AKAP13: variants seen among roughly 807,000 people sequenced by gnomAD.
The protein encoded by AKAP13 is A-kinase anchoring protein 13, also known as A-kinase anchor protein 13.
A neutral mutation model predicts 264.5 loss-of-function variants in AKAP13; 80 were observed. The ratio of observed to expected loss-of-function variants is 0.30; its 90% CI spans 0.25 to 0.36. The LOEUF (loss-of-function observed/expected upper bound fraction) is 0.36, where lower values mean the gene tolerates loss of function less well. AKAP13 is among the 10% of genes least tolerant of loss of function. The probability of loss-of-function intolerance (pLI) is 1.00; values close to 1 mark genes in which losing one functional copy is unlikely to be tolerated. For missense variants in AKAP13, 3,712 were observed against 3,435.2 expected, an observed-to-expected ratio of 1.08 and a Z score of -2.01; for synonymous variants, 1,380 against 1,250.2, an observed-to-expected ratio of 1.10 and a Z score of -2.19.
intron 1 of AKAP13, among the ~76,000 whole-genome samples, chr15:85,430,250 T>C (rs1327242999): frequency 6.6e-6 from 1 of 152,234 alleles, no homozygotes; most frequent in Admixed American, 6.5e-5. Flanking sequence ...GCTAATTACA[T>C]GTCTTAATCA....
intron 2 of AKAP13, among the ~76,000 whole-genome samples, chr15:85,514,525 G>A (rs2076542439): frequency 1.5e-5 from 2 of 137,172 alleles, no homozygotes; most frequent in South Asian, 2.2e-4. Flanking sequence ...GTCTCTGAAG[G>A]GACTCGGTTC....
At chr15:85,576,898 T>TA (rs1216639120) in intron 6 of AKAP13, among the ~76,000 whole-genome samples, 1 of 152,166 alleles carries the variant, frequency 6.6e-6, no homozygotes, top group Non-Finnish European at 1.5e-5. Flanking sequence ...GGCAGGCAAA[T>TA]ACGAGAAATT....
At chr15:85,460,939 G>A (rs2074485657) in intron 1 of AKAP13, among the ~76,000 whole-genome samples, 1 of 127,822 alleles carries the variant, frequency 7.8e-6, no homozygotes, top group South Asian at 2.2e-4. Context: ...CTACAGAATG[G>A]GGGAACAGAG....
At chr15:85,619,816 A>T in intron 8 of AKAP13, 1 of 1,232,146 alleles carries the variant, frequency 8.1e-7, no homozygotes, top group East Asian at 3.7e-5. Flanking sequence ...ATTAGGTGGT[A>T]TTTATTGTTT....
Position 85,665,591 on chromosome 15 carries a change from C to G in AKAP13, c.4992+836C>G, listed in dbSNP as rs990586389. Among the ~76,000 whole-genome samples the G allele has an allele frequency of 4.6e-5, 7 of 152,306 alleles. No individual in the cohort carries two copies. In the East Asian group the frequency reaches 1.2e-3, roughly 25 times the overall value. Reference sequence around the variant, plus strand: ...ATGTGCACAACGTGCAGGTTTGTTACATAGGTATACATGTGCCGTGTTGGT... The same window carrying G: ...ATGTGCACAACGTGCAGGTTTGTTAGATAGGTATACATGTGCCGTGTTGGT... On this transcript the variant is annotated intron_variant, in intron 13 of 36. Transcript: ENST00000394518.
At chr15:85,381,251 C>T (rs1204153415) in intron 1 of AKAP13, among the ~76,000 whole-genome samples, 2 of 152,080 alleles carry the variant, frequency 1.3e-5, no homozygotes, top group Non-Finnish European at 2.9e-5. Flanking sequence ...GAGTCCGCGC[C>T]GTGAACAAGT....
intron 8 of AKAP13, among the ~76,000 whole-genome samples, chr15:85,597,416 T>C (rs2079867102): frequency 6.6e-6 from 1 of 152,166 alleles, no homozygotes; most frequent in South Asian, 2.1e-4. Context: ...TCTCCAGTGT[T>C]TCTGCTGGAG....
rs529217181 is a variant in AKAP13, at chr15:85,733,877, T to C, written c.7283-1115T>C. Among the ~76,000 whole-genome samples, 8 of 141,406 alleles carry C rather than the reference T, an allele frequency of 5.7e-5. 1 individual carries two copies. The highest frequency in any genetic ancestry group is 4.4e-4 in the South Asian group (2 of 4,560). 92.8% of individuals were successfully genotyped at this position (141,406 alleles called of 152,430 possible). ...TCATTTTCTTTTCTTTCTTTTCTTT[T>C]TTTTTTTTTTTTTTTTTGAGACAGA... On this transcript the variant is annotated intron_variant, in intron 30 of 36. Coordinates refer to ENST00000394518, the MANE Select transcript of AKAP13 (RefSeq NM_007200.5).
intron 1 of AKAP13, among the ~76,000 whole-genome samples, chr15:85,401,334 T>C (rs1046043587): frequency 2.6e-5 from 4 of 152,278 alleles, no homozygotes; most frequent in Admixed American, 2.6e-4. Context: ...AGTCTAGATG[T>C]TACTTGGTTT....
At chr15:85,526,440 C>G (rs2077045435) in intron 3 of AKAP13, among the ~76,000 whole-genome samples, 1 of 136,318 alleles carries the variant, frequency 7.3e-6, no homozygotes, top group Admixed American at 7.1e-5. Context: ...AAGTGGCTGG[C>G]ACGTGTGTGT....
Position 85,581,233 on chromosome 15 carries a change from T to C in AKAP13, c.3165T>C (p.Asp1055=). 6.2e-7 allele frequency: 1 copy of C among 1,614,184 alleles called. No individual in the cohort carries two copies. Among genetic ancestry groups the C allele is most frequent in the Non-Finnish European group, 8.5e-7 (1 of 1,180,024 alleles). ...TGCCAGATGGGTCTGATGGGTCCGA[T>C]GCTCTTAACTGCAGTCAGCCTTCTC... The part of the protein sequence containing the change: ...CLLPDGSDGS[D]ALNCSQPSPL... The change falls in exon 7 of 37, where the codon GAT becomes GAC. Residue 1055 remains aspartate (D), a synonymous_variant. Coordinates refer to ENST00000394518, the MANE Select transcript of AKAP13 (RefSeq NM_007200.5).
intron 9 of AKAP13, among the ~76,000 whole-genome samples, chr15:85,642,041 G>A (rs1314414244): frequency 6.6e-6 from 1 of 152,206 alleles, no homozygotes; most frequent in Non-Finnish European, 1.5e-5. Flanking sequence ...ATTACAGACA[G>A]ATTTACATAT....
chr15:85,502,538 T>G (rs1219010174), intron 2 of AKAP13, among the ~76,000 whole-genome samples: 1 of 152,172 alleles, frequency 6.6e-6, no homozygotes, highest in Non-Finnish European at 1.5e-5. Flanking sequence ...TTAGAAAGAT[T>G]TTCATAAAGT....
chr15:85,573,572 A>AATAAATAAATAAATAAATAAG (rs998963083), intron 5 of AKAP13, among the ~76,000 whole-genome samples: 1 of 151,840 alleles, frequency 6.6e-6, no homozygotes, highest in African/African-American at 2.4e-5. Context: ...TAAATAAATA[A>AATAAATAAATAAATAAATAAG]ATATGATATG....
chr15:85,458,024 C>T lies in AKAP13; in HGVS notation c.-11-27686C>T, dbSNP rs2074342608. Among the ~76,000 whole-genome samples the T allele has an allele frequency of 3.3e-5, 5 of 151,976 alleles. No individual in the cohort carries two copies. The South Asian group carries it at 1.0e-3, about 32-fold the overall frequency. On this transcript the variant is annotated intron_variant, in intron 1 of 36. Transcript: ENST00000394518. ...GTGTGGTGGCGCCCGCCTGTAATCCCACCTACTCTAGAGGCTGAGGCAGGA... is the reference window on the plus strand; with the variant it reads ...GTGTGGTGGCGCCCGCCTGTAATCCTACCTACTCTAGAGGCTGAGGCAGGA...
chr15:85,410,772 G>T (rs1596080103), intron 1 of AKAP13, among the ~76,000 whole-genome samples: 2 of 151,448 alleles, frequency 1.3e-5, no homozygotes, highest in African/African-American at 2.4e-5. Flanking sequence ...TCCTTCTCTA[G>T]CTGGTCCAGC....
At chr15:85,681,306 T>C (rs974576059) in intron 14 of AKAP13, among the ~76,000 whole-genome samples, 1 of 152,250 alleles carries the variant, frequency 6.6e-6, no homozygotes, top group African/African-American at 2.4e-5. Context: ...GTTCTATAAC[T>C]GATGTCCTGA....
At chr15:85,621,957 A>G (rs1460891685) in intron 8 of AKAP13, among the ~76,000 whole-genome samples, 1 of 152,238 alleles carries the variant, frequency 6.6e-6, no homozygotes, top group African/African-American at 2.4e-5. Flanking sequence ...CTCAGAAAAT[A>G]GTCATTAGTA....
chr15:85,569,453 T>TTC (rs1346891125), intron 5 of AKAP13, among the ~76,000 whole-genome samples: 3 of 130,272 alleles, frequency 2.3e-5, no homozygotes, highest in Non-Finnish European at 5.0e-5. Flanking sequence ...TTTCTTTTCT[T>TTC]TTTTTTTTTT....
Sources: gnomAD v4.1 joint callset for allele counts (sites outside exome capture counted in the v4.1 genomes callset) on GRCh38, gnomAD v4.1.1 for gene constraint, MANE v1.5 for transcripts, NCBI Gene and HGNC (gene_info 2026-07-23, HGNC 2026-07-21) for gene names.